Variants in PDE2A observed in about 807,000 individuals in gnomAD.
PDE2A encodes phosphodiesterase 2A.
Under a neutral mutation model 133.6 loss-of-function variants are expected in PDE2A, and 53 were observed. The ratio of observed to expected loss-of-function variants is 0.40; its 90% CI spans 0.32 to 0.50. The LOEUF is 0.50. Among genes scored for constraint, PDE2A ranks in the 20% least tolerant of loss-of-function variants. The probability of loss-of-function intolerance (pLI) is 0.73; values close to 1 mark genes in which losing one functional copy is unlikely to be tolerated. For synonymous variants in PDE2A, 491 were observed against 490.2 expected (o/e 1.00, Z -0.02); for missense variants, 796 against 1,232.4 (o/e 0.65, Z 5.30).
intron 20 of PDE2A, among the ~76,000 whole-genome samples, chr11:72,583,005 C>A (rs1344218410): frequency 2.6e-5 from 4 of 152,188 alleles, no homozygotes; most frequent in Non-Finnish European, 5.9e-5. Context: ...CAGCGACTAC[C>A]ATATACATGG....
chr11:72,670,794 AGT>A (rs1302366646), intron 1 of PDE2A, among the ~76,000 whole-genome samples: 1 of 152,066 alleles, frequency 6.6e-6, no homozygotes, highest in African/African-American at 2.4e-5. Context: ...GGTAGCCTGG[AGT>A]TGCTGGGCCC....
At chr11:72,619,330 G>A (rs549119002) in intron 2 of PDE2A, among the ~76,000 whole-genome samples, 18 of 152,292 alleles carry the variant, frequency 1.2e-4, no homozygotes, top group African/African-American at 4.3e-4. Flanking sequence ...CAGAACTCCC[G>A]CTTTGCTGGG....
chr11:72,581,964 G>T lies in PDE2A; in HGVS notation c.1852-17C>A, dbSNP rs766719016. On this transcript the variant is annotated splice_polypyrimidine_tract_variant and intron_variant, in intron 21 of 30. Coordinates refer to ENST00000334456, the MANE Select transcript of PDE2A (RefSeq NM_002599.5). Reference sequence around the variant, plus strand: ...CAGGATGGCCTGGAGAGGGCAGAGGGAGGTATCAGAGGGGCTGCCAGTATC... The same window carrying T: ...CAGGATGGCCTGGAGAGGGCAGAGGTAGGTATCAGAGGGGCTGCCAGTATC... 2.5e-6 allele frequency: 4 copies of T among 1,605,186 alleles called. No homozygotes were observed. Among genetic ancestry groups the T allele is most frequent in the Non-Finnish European group, 3.4e-6 (4 of 1,171,942 alleles).
intron 4 of PDE2A, chr11:72,598,760 A>G (rs1158589279): frequency 3.6e-5 from 35 of 985,266 alleles, no homozygotes; most frequent in Non-Finnish European, 4.1e-5. Context: ...AAAGAGGTTG[A>G]GCATCTCGTT....
chr11:72,595,721 A>G (rs1373463382), intron 6 of PDE2A, among the ~76,000 whole-genome samples: 1 of 152,162 alleles, frequency 6.6e-6, no homozygotes, highest in African/African-American at 2.4e-5. Context: ...CCTCGACAGA[A>G]GCAGACCCCC....
At chr11:72,672,234 A>G (rs528712372) in intron 1 of PDE2A, among the ~76,000 whole-genome samples, 3 of 151,824 alleles carry the variant, frequency 2.0e-5, no homozygotes, top group African/African-American at 7.2e-5. Context: ...AAAGTGCAGT[A>G]AGGCAATCTC....
chr11:72,661,042 C>T (rs1855040174), intron 1 of PDE2A, among the ~76,000 whole-genome samples: 1 of 152,128 alleles, frequency 6.6e-6, no homozygotes, highest in Admixed American at 6.5e-5. Context: ...CAGTGGCTCA[C>T]ACCTGTAATC....
chr11:72,641,684 C>T (rs1355039942), intron 2 of PDE2A, among the ~76,000 whole-genome samples: 1 of 152,122 alleles, frequency 6.6e-6, no homozygotes, highest in African/African-American at 2.4e-5. Flanking sequence ...GAGTGGGTCC[C>T]ACAGAGAAAG....
At chr11:72,607,365 C>A (rs1035432759) in intron 3 of PDE2A, among the ~76,000 whole-genome samples, 2 of 152,192 alleles carry the variant, frequency 1.3e-5, no homozygotes, top group African/African-American at 4.8e-5. Flanking sequence ...GCTCTCGGGG[C>A]AGCCCTACAG....
chr11:72,601,866 T>C (rs1203580699), intron 4 of PDE2A, among the ~76,000 whole-genome samples: 1 of 152,048 alleles, frequency 6.6e-6, no homozygotes, highest in African/African-American at 2.4e-5. Context: ...AATATCAGAA[T>C]GTTCAGCGTA....
At position 72,591,078 on chromosome 11, in the gene PDE2A, C is replaced by G. The variant is rs558838799; in HGVS notation, c.549+219G>C. 2.1e-3 allele frequency: 1,170 copies of G among 545,200 alleles called. 18 individuals carry two copies. Among genetic ancestry groups the G allele is most frequent in the South Asian group, 0.018 (702 of 38,798 alleles). The allele number at this position is 545,200 out of a possible 1,614,324, so 33.8% of individuals were successfully genotyped here. On this transcript the variant is annotated intron_variant, in intron 7 of 30. Coordinates refer to ENST00000334456, the MANE Select transcript of PDE2A (RefSeq NM_002599.5). ...ACAAGATATTTGACCAGTTTTGTTT[C>G]ACCACTGCCCTAGGTCAGTCGGTGC...
chr11:72,671,117 CT>C (rs980864494), intron 1 of PDE2A, among the ~76,000 whole-genome samples: 1 of 152,168 alleles, frequency 6.6e-6, no homozygotes, highest in African/African-American at 2.4e-5. Context: ...TCAAATGTCT[CT>C]TCCTCTGAAG....
intron 24 of PDE2A, 122 bp from the exon 25 acceptor site, chr11:72,580,746 G>T: frequency 1.0e-6 from 1 of 997,516 alleles, no homozygotes; most frequent in South Asian, 1.4e-5. Context: ...AGAGCCAGGG[G>T]CAAACCCTGG....
chr11:72,591,749 T>A (rs1004100898), intron 6 of PDE2A, among the ~76,000 whole-genome samples: 10 of 152,228 alleles, frequency 6.6e-5, no homozygotes, highest in Admixed American at 2.0e-4. Context: ...CCTGTCTGAG[T>A]TAGGGTTTGA....
intron 1 of PDE2A, chr11:72,658,221 G>T: frequency 4.7e-6 from 2 of 429,628 alleles, no homozygotes; most frequent in South Asian, 1.7e-5. Context: ...GTGGGTGAGG[G>T]TTCTGGTCTC....
At chr11:72,609,537 T>C (rs2135363692) in intron 2 of PDE2A, among the ~76,000 whole-genome samples, 1 of 152,284 alleles carries the variant, frequency 6.6e-6, no homozygotes, top group African/African-American at 2.4e-5. Context: ...GCCTTGACTG[T>C]CTCACAGCCT....
At chr11:72,587,088 C>G (rs1027202436) in intron 13 of PDE2A, among the ~76,000 whole-genome samples, 1 of 152,090 alleles carries the variant, frequency 6.6e-6, no homozygotes, top group African/African-American at 2.4e-5. Flanking sequence ...CACCTTCATG[C>G]TTTTTTTTCT....
rs1465332321 is a variant in PDE2A at position 72,577,307 on chromosome 11, C to G, written c.*77G>C. 1.1e-5 allele frequency: 13 copies of G among 1,145,054 alleles called. No homozygotes were observed. The highest frequency in any genetic ancestry group is 7.6e-5 in the African/African-American group (5 of 66,024). The allele number at this position is 1,145,054 out of a possible 1,614,324, so 70.9% of individuals were successfully genotyped here. A position where few individuals can be genotyped will look rare whatever the true frequency, so the allele number is the denominator to read the frequency against. ...GGTCTAGGACCCAGGACCCGTGGCT[C>G]TGTTCCCAGTGCATCTGGCCAGACC... On this transcript the variant is annotated 3_prime_UTR_variant, in exon 31 of 31. Transcript: ENST00000334456.
intron 2 of PDE2A, among the ~76,000 whole-genome samples, chr11:72,640,709 GGCCCT>G (rs1456248408): frequency 6.6e-6 from 1 of 152,078 alleles, no homozygotes; most frequent in Non-Finnish European, 1.5e-5. Flanking sequence ...CCCCTGCAGT[GGCCCT>G]TCCTGGCCAC....
Sources: allele counts gnomAD v4.1 joint callset (sites outside exome capture counted in the v4.1 genomes callset), GRCh38; gene constraint gnomAD v4.1.1; transcripts MANE v1.5; gene names NCBI Gene and HGNC (gene_info 2026-07-23, HGNC 2026-07-21).